Variants in ADAMTSL1 observed in about 807,000 individuals in gnomAD.
The protein encoded by ADAMTSL1 is ADAMTS like 1.
Under a neutral mutation model 201.8 loss-of-function variants are expected in ADAMTSL1, and 126 were observed. That is an observed-to-expected ratio of 0.62 (90% CI 0.54 to 0.72). The LOEUF (loss-of-function observed/expected upper bound fraction) is 0.72. ADAMTSL1 is among the 30% of genes least tolerant of loss of function. ADAMTSL1 has a pLI of 0.00. For missense variants in ADAMTSL1, 2,679 were observed against 2,277.8 expected, an observed-to-expected ratio of 1.18 and a Z score of -3.59; for synonymous variants, 1,121 against 903.4, an observed-to-expected ratio of 1.24 and a Z score of -4.32.
intron 5 of ADAMTSL1, among the ~76,000 whole-genome samples, chr9:18,623,716 C>G (rs886164734): frequency 6.6e-6 from 1 of 152,152 alleles, no homozygotes; most frequent in Admixed American, 6.5e-5. Flanking sequence ...TAAGACAGCC[C>G]TTGTATTAAG....
intron 1 of ADAMTSL1, among the ~76,000 whole-genome samples, chr9:18,123,105 G>C (rs1198780882): frequency 6.6e-6 from 1 of 152,108 alleles, no homozygotes; most frequent in Non-Finnish European, 1.5e-5. Flanking sequence ...ACAGAAAATT[G>C]AATTTCTTAA....
At chr9:17,936,776 C>T (rs186472242) in intron 1 of ADAMTSL1, among the ~76,000 whole-genome samples, 1 of 152,164 alleles carries the variant, frequency 6.6e-6, no homozygotes, top group African/African-American at 2.4e-5. Flanking sequence ...GGGCTTTTGC[C>T]AGAAATTGGC....
intron 1 of ADAMTSL1, among the ~76,000 whole-genome samples, chr9:18,038,211 C>T (rs1325405018): frequency 6.6e-6 from 1 of 152,096 alleles, no homozygotes; most frequent in East Asian, 1.9e-4. Context: ...CCCATGTGAG[C>T]CTCGGTTGTT....
In ADAMTSL1 at chr9:18,206,572, G is replaced by GTGT. The variant is rs1457070809; in HGVS notation, c.207+42591_207+42592insTGT. Among the ~76,000 whole-genome samples the GTGT allele has an allele frequency of 1.2e-3, 188 of 152,090 alleles. 1 individual carries two copies. The Middle Eastern group carries it at 0.017, about 14-fold the overall frequency. The stretch of plus-strand genomic sequence containing the variant: ...CTCATCTTCACACTCCTGAAACACT[G>GTGT]AGCAGACTTCTAGCCCTACATTAAC... On this transcript the variant is annotated intron_variant, in intron 2 of 29. Coordinates refer to the ADAMTSL1 transcript ENST00000680146.
intron 1 of ADAMTSL1, among the ~76,000 whole-genome samples, chr9:17,933,873 T>A (rs1588438910): frequency 6.6e-6 from 1 of 152,278 alleles, no homozygotes; most frequent in South Asian, 2.1e-4. Flanking sequence ...CCAGAGATTT[T>A]GGTGGGGACA....
intron 1 of ADAMTSL1, among the ~76,000 whole-genome samples, chr9:17,908,508 G>T (rs981609303): frequency 2.0e-5 from 3 of 151,962 alleles, no homozygotes; most frequent in Non-Finnish European, 4.4e-5. Flanking sequence ...CCAGGCTGGA[G>T]TGCAGTGGTG....
intron 2 of ADAMTSL1, among the ~76,000 whole-genome samples, chr9:18,190,825 T>A (rs1393269081): frequency 6.6e-6 from 1 of 152,204 alleles, no homozygotes; most frequent in East Asian, 1.9e-4. Flanking sequence ...ATGACAAGAC[T>A]GGAAAGACCA....
intron 2 of ADAMTSL1, among the ~76,000 whole-genome samples, chr9:18,451,343 T>C (rs998432238): frequency 6.6e-6 from 1 of 152,198 alleles, no homozygotes; most frequent in African/African-American, 2.4e-5. Flanking sequence ...ACCTAGCTTA[T>C]AATTAGTTTA....
chr9:18,351,423 CA>C (rs1188449413), intron 2 of ADAMTSL1, among the ~76,000 whole-genome samples: 2 of 151,778 alleles, frequency 1.3e-5, no homozygotes, highest in Non-Finnish European at 2.9e-5. Flanking sequence ...AGATGAGGAA[CA>C]CATAAATAAA....
chr9:18,753,786 GC>G (rs1442511689), intron 16 of ADAMTSL1, among the ~76,000 whole-genome samples: 3 of 152,256 alleles, frequency 2.0e-5, no homozygotes, highest in African/African-American at 7.2e-5. Flanking sequence ...CTGTCACAAA[GC>G]TAAGGAAAAT....
At chr9:18,490,149 C>A (rs1370837979) in intron 1 of ADAMTSL1, among the ~76,000 whole-genome samples, 2 of 152,186 alleles carry the variant, frequency 1.3e-5, no homozygotes, top group Non-Finnish European at 2.9e-5. Context: ...TCCTGGCACA[C>A]TGAGACCCAT....
chr9:18,283,431 C>T (rs1324355637), intron 2 of ADAMTSL1, among the ~76,000 whole-genome samples: 2 of 151,436 alleles, frequency 1.3e-5, no homozygotes, highest in Non-Finnish European at 2.9e-5. Flanking sequence ...ATAGTGAGGC[C>T]CCATCTCTAT....
chr9:18,260,901 C>CT (rs1291806279), intron 2 of ADAMTSL1, among the ~76,000 whole-genome samples: 1 of 151,884 alleles, frequency 6.6e-6, no homozygotes, highest in Non-Finnish European at 1.5e-5. Context: ...AAACACTCTT[C>CT]TTTTTTTCCT....
chr9:18,119,284 AT>A (rs568109727), intron 1 of ADAMTSL1, among the ~76,000 whole-genome samples: 3,651 of 149,852 alleles, frequency 0.024, 134 homozygotes, highest in African/African-American at 0.079. Flanking sequence ...CTTCCTGAAT[AT>A]TTTTTTTTTA....
chr9:18,756,079 ATATATATATATATATAT>A (rs1819734617), intron 16 of ADAMTSL1, among the ~76,000 whole-genome samples: 1 of 3,432 alleles, frequency 2.9e-4, no homozygotes, highest in Non-Finnish European at 6.2e-4. Context: ...TACTGAAAAT[ATATATATATATATATAT>A]ATATATATAT....
chr9:18,863,943 G>A (rs1321374920), intron 23 of ADAMTSL1, among the ~76,000 whole-genome samples: 3 of 152,232 alleles, frequency 2.0e-5, no homozygotes, highest in South Asian at 2.1e-4. Flanking sequence ...GTTTCATCCC[G>A]ACACACATCA....
intron 2 of ADAMTSL1, among the ~76,000 whole-genome samples, chr9:18,395,167 A>C (rs1294975070): frequency 2.6e-5 from 4 of 152,108 alleles, no homozygotes; most frequent in Non-Finnish European, 5.9e-5. Flanking sequence ...ATTATGTCGG[A>C]TCTCCAGCAT....
intron 1 of ADAMTSL1, among the ~76,000 whole-genome samples, chr9:18,116,951 T>C (rs80236057): frequency 0.017 from 2,536 of 152,270 alleles, 79 homozygotes; most frequent in African/African-American, 0.058. Flanking sequence ...TGTGGCATTC[T>C]CTGTCTTAAT....
At chr9:18,262,795 G>A (rs1288238017) in intron 2 of ADAMTSL1, among the ~76,000 whole-genome samples, 6 of 152,218 alleles carry the variant, frequency 3.9e-5, no homozygotes, top group South Asian at 2.1e-4. Context: ...CTGCAAGTAG[G>A]AGAGCAAGAG....
Sources: allele counts gnomAD v4.1 joint callset (sites outside exome capture counted in the v4.1 genomes callset), GRCh38; gene constraint gnomAD v4.1.1; transcripts MANE v1.5; gene names NCBI Gene and HGNC (gene_info 2026-07-23, HGNC 2026-07-21).